The following KATNAL2 variants were observed in gnomAD, a reference collection of about 807,000 sequenced individuals.
The protein encoded by KATNAL2 is katanin p60 ATPase-containing subunit A-like 2.
A neutral mutation model predicts 76.3 loss-of-function variants in KATNAL2; 52 were observed. The ratio of observed to expected loss-of-function variants is 0.68; its 90% CI spans 0.55 to 0.86. KATNAL2 has a LOEUF of 0.86. Ranked by LOEUF, KATNAL2 falls within the 40% of genes least tolerant of loss-of-function variation. KATNAL2 has a pLI of 0.00. For synonymous variants in KATNAL2, 243 were observed against 244.2 expected (o/e 1.00, Z 0.05); for missense variants, 660 against 668.9 (o/e 0.99, Z 0.15).
At chr18:47,036,237 A>G (rs1040539950) in intron 3 of KATNAL2, among the ~76,000 whole-genome samples, 2 of 152,178 alleles carry the variant, frequency 1.3e-5, no homozygotes, top group East Asian at 1.9e-4. Context: ...ACTCTTGCCA[A>G]ACTGCCCTTT....
chr18:46,925,065 AC>A (rs1173262167), intron 1 of KATNAL2, among the ~76,000 whole-genome samples: 1 of 152,020 alleles, frequency 6.6e-6, no homozygotes, highest in Non-Finnish European at 1.5e-5. Flanking sequence ...CCAATTGAAT[AC>A]CCTTTTTTTC....
intron 1 of KATNAL2, among the ~76,000 whole-genome samples, chr18:46,940,508 G>A (rs539278718): frequency 4.6e-5 from 7 of 152,294 alleles, no homozygotes; most frequent in African/African-American, 1.4e-4. Context: ...GAAAAATGGA[G>A]TTTTAACAAT....
At chr18:46,938,826 C>G (rs1175032070) in intron 1 of KATNAL2, among the ~76,000 whole-genome samples, 1 of 152,050 alleles carries the variant, frequency 6.6e-6, no homozygotes, top group Non-Finnish European at 1.5e-5. Context: ...TGTCACTATC[C>G]TTCCTCCAGT....
chr18:46,956,721 A>G (rs1335721789), intron 3 of KATNAL2, among the ~76,000 whole-genome samples: 1 of 152,186 alleles, frequency 6.6e-6, no homozygotes, highest in Non-Finnish European at 1.5e-5. Context: ...TTTAGTGTGC[A>G]CATTAAACAC....
intron 3 of KATNAL2, among the ~76,000 whole-genome samples, chr18:46,955,988 G>C (rs140185906): frequency 1.3e-4 from 20 of 152,264 alleles, no homozygotes; most frequent in African/African-American, 4.8e-4. Context: ...CCTACTAGTT[G>C]CTCTTGCAGA....
intron 1 of KATNAL2, among the ~76,000 whole-genome samples, chr18:46,939,379 T>C (rs1243635805): frequency 2.0e-5 from 3 of 151,642 alleles, no homozygotes; most frequent in African/African-American, 4.8e-5. Flanking sequence ...TTTATTTTCA[T>C]TCAAAAAGAG....
At chr18:46,937,832 G>A (rs550052158) in intron 1 of KATNAL2, among the ~76,000 whole-genome samples, 4 of 152,268 alleles carry the variant, frequency 2.6e-5, no homozygotes, top group African/African-American at 7.2e-5. Flanking sequence ...GGCCAGGCTC[G>A]GTGACTTGCA....
In KATNAL2 at chr18:47,099,328, T is replaced by G; in HGVS notation, c.1297T>G (p.Tyr433Asp). 1.2e-6 allele frequency: 2 copies of G among 1,614,164 alleles called. No individual in the cohort carries two copies. Among genetic ancestry groups the G allele is most frequent in the Non-Finnish European group, 1.7e-6 (2 of 1,179,992 alleles). ...PSREARQAMI[Y>D]HWLPPVSKSR... ...CCGGGAGGCCAGGCAGGCCATGATC[T>G]ACCACTGGCTGCCTCCTGTGAGCAA... is the stretch of plus-strand genomic sequence containing the variant. Residue 433 changes from tyrosine (Y) to aspartate (D), a missense_variant, in exon 16 of 18, where the codon TAC becomes GAC. Physicochemically the swap from Tyr to Asp is radical, Grantham distance 160. Transcript: ENST00000683218.
intron 3 of KATNAL2, among the ~76,000 whole-genome samples, chr18:46,955,710 C>A (rs2059726484): frequency 6.6e-6 from 1 of 152,082 alleles, no homozygotes; most frequent in Admixed American, 6.5e-5. Context: ...CACCACTATT[C>A]CCGGCTAATT....
chr18:46,927,817 C>T (rs1207952079), intron 1 of KATNAL2, among the ~76,000 whole-genome samples: 1 of 152,122 alleles, frequency 6.6e-6, no homozygotes, highest in Non-Finnish European at 1.5e-5. Flanking sequence ...CTTCTCTTCT[C>T]GCTTCATTTC....
intron 3 of KATNAL2, among the ~76,000 whole-genome samples, chr18:46,954,207 T>G (rs1162113601): frequency 6.6e-6 from 1 of 151,856 alleles, no homozygotes; most frequent in East Asian, 1.9e-4. Context: ...ATGCTCTTTA[T>G]ACCTCACTTC....
intron 15 of KATNAL2, among the ~76,000 whole-genome samples, chr18:47,095,995 T>A (rs1481403298): frequency 6.6e-6 from 1 of 152,170 alleles, no homozygotes; most frequent in African/African-American, 2.4e-5. Flanking sequence ...GTCTCTGATG[T>A]GCGATGAATG....
chr18:46,929,076 G>C (rs4890347), intron 1 of KATNAL2, among the ~76,000 whole-genome samples: 1 of 151,800 alleles, frequency 6.6e-6, no homozygotes, highest in Non-Finnish European at 1.5e-5. Context: ...GATTACAGGC[G>C]TGAGCCACTG....
rs2059181013 is a variant in KATNAL2, at chr18:46,939,349, AAAAG to A, written c.-509-6704_-509-6701del. ...CTGCATCTCACAATTAAAAAAAAAA[AAAAG>A]AAAAGAAAAGAATGATTTATTTTCA... On this transcript the variant is annotated intron_variant, in intron 1 of 17. Transcript: ENST00000683218. Among the ~76,000 whole-genome samples, 3 of 151,996 alleles carry A rather than the reference AAAAG, an allele frequency of 2.0e-5. No homozygotes were observed. The South Asian group carries it at 6.2e-4, about 32-fold the overall frequency.
In KATNAL2 at chr18:47,063,392, T is replaced by G. The variant is rs746413292; in HGVS notation, c.726+31T>G. ...ATCTGATATTCAATTCACAAATTTA[T>G]GGAGGCAGGCTGGGGCTTCTGGAGC... On this transcript the variant is annotated intron_variant, in intron 10 of 17. Transcript: ENST00000683218. 2.5e-6 allele frequency: 4 copies of G among 1,575,652 alleles called. No individual in the cohort carries two copies. In the East Asian group the frequency reaches 8.9e-5, roughly 35 times the overall value.
In KATNAL2 at chr18:47,101,093, T is replaced by C; in HGVS notation, c.*88T>C. The C allele has an allele frequency of 6.9e-7, 1 of 1,448,878 alleles. No individual in the cohort carries two copies. The highest frequency in any genetic ancestry group is 1.8e-5 in the Admixed American group (1 of 54,072). The allele number at this position is 1,448,878 out of a possible 1,614,324, so 89.8% of individuals were successfully genotyped here. ...CCGTGGGAGAACAAAATGATTGGAA[T>C]GGAAAAGAGAAAATTATTTTTGAAG... On this transcript the variant is annotated 3_prime_UTR_variant, in exon 18 of 18. Coordinates refer to ENST00000683218, the MANE Select transcript of KATNAL2 (RefSeq NM_001387690.1).
rs1313534331 is a variant in KATNAL2 at position 47,077,388 on chromosome 18, T to TTC, written c.1139_1140insCT (p.Leu380PhefsTer19). 4.3e-6 allele frequency: 7 copies of TTC among 1,613,712 alleles called. No individual in the cohort carries two copies. The highest frequency in any genetic ancestry group is 5.9e-6 in the Non-Finnish European group (7 of 1,179,858). ...AGGAAGCCTGCGGATGAAGACAGAG[T>TTC]TACTGGTGCAGATGGATGGGCTGGC... On this transcript the variant is annotated frameshift_variant, in exon 15 of 18. Transcript: ENST00000683218. LOFTEE classifies it high-confidence loss of function.
intron 6 of KATNAL2, among the ~76,000 whole-genome samples, chr18:47,057,216 G>A (rs1226016928): frequency 6.6e-6 from 1 of 152,158 alleles, no homozygotes; most frequent in East Asian, 1.9e-4. Context: ...CTGAACATGG[G>A]GAGACTTGCT....
In KATNAL2 at chr18:47,033,976, A is replaced by G. The variant is rs780530535; in HGVS notation, c.52-12481A>G. ...TGACTGGCTTTCCTGGACAGGAGGC[A>G]ATTTCTTAGCCGAATCCCAGGACTC... On this transcript the variant is annotated intron_variant, in intron 3 of 17. Coordinates refer to ENST00000683218, the MANE Select transcript of KATNAL2 (RefSeq NM_001387690.1). 3 of 1,613,412 alleles carry G rather than the reference A, an allele frequency of 1.9e-6. No individual in the cohort carries two copies. Among genetic ancestry groups the G allele is most frequent in the South Asian group, 1.1e-5 (1 of 91,030 alleles).
Sources: allele counts gnomAD v4.1 joint callset (sites outside exome capture counted in the v4.1 genomes callset), GRCh38; gene constraint gnomAD v4.1.1; transcripts MANE v1.5; gene names NCBI Gene and HGNC (gene_info 2026-07-23, HGNC 2026-07-21).